ERN1: variants seen among roughly 807,000 people sequenced by gnomAD.
The protein encoded by ERN1 is serine/threonine-protein kinase/endoribonuclease IRE1.
ERN1 carries 39 observed loss-of-function variants against 113.1 expected under a neutral mutation model. The observed-to-expected ratio is 0.34, with a 90% CI of 0.27 to 0.45. The LOEUF is 0.45. Among genes scored for constraint, ERN1 ranks in the 20% least tolerant of loss-of-function variants. ERN1 has a pLI of 1.00. For missense variants in ERN1, 976 were observed against 1,274.8 expected (o/e 0.77, Z 3.57); for synonymous variants, 507 against 515.9 (o/e 0.98, Z 0.23).
At position 64,079,705 on chromosome 17, in the gene ERN1, C is replaced by A. The variant is rs1913708265; in HGVS notation, c.239G>T (p.Gly80Val). The change falls in exon 4 of 22, where the codon GGC (glycine) becomes GTC (valine). Residue 80 changes from glycine to valine, a missense_variant. Gly to Val is a moderately radical substitution (Grantham distance 109). Around this residue, in one of 5 missense-constraint regions of ERN1, gnomAD observed 459 missense variants for 581.2 expected, o/e 0.79. Transcript: ENST00000433197. ...CTTGCTTCCAAGCGTATACAGGCTG[C>A]CATCATTAGGATCTGGGAGAAAGGC... ...EPAFLPDPND[G>V]SLYTLGSKNN... 1 of 1,613,620 alleles carries A rather than the reference C, an allele frequency of 6.2e-7. No homozygotes were observed. The highest frequency in any genetic ancestry group is 1.3e-5 in the African/African-American group (1 of 74,898).
At chr17:64,090,385 C>T (rs1322372917) in intron 2 of ERN1, among the ~76,000 whole-genome samples, 4 of 152,204 alleles carry the variant, frequency 2.6e-5, no homozygotes, top group Non-Finnish European at 5.9e-5. Flanking sequence ...TTTATCTCTA[C>T]TTTGGCAGAA....
At position 64,050,015 on chromosome 17, in the gene ERN1, G is replaced by T. The variant is rs78592636; in HGVS notation, c.2254-813C>A. Among the ~76,000 whole-genome samples, 146 of 152,242 alleles carry T rather than the reference G, an allele frequency of 9.6e-4. 3 individuals carry two copies. In the East Asian group the frequency reaches 0.026, roughly 27 times the overall value. On this transcript the variant is annotated intron_variant, in intron 17 of 21. Transcript: ENST00000433197. ...GAGGAGACACACCTTGAACAACACA[G>T]CACTCTCATTCAGCCTCACAACAAC...
rs201899237 is a variant in ERN1, at chr17:64,054,375, C to G, written c.1828G>C (p.Asp610His). The change falls in exon 15 of 22, where the codon GAC (aspartate) becomes CAC (histidine). Residue 610 changes from aspartate (D) to histidine (H), a missense_variant. By Grantham distance (81) the Asp-to-His change is moderately conservative. Transcript: ENST00000433197. The surrounding 1 kb of genome is among the most constrained non-coding windows in gnomAD (Gnocchi z 4.9). ...TCTCGCAACAGCTGGACCTCACGGT[C>G]TGCGAAGCTAAAACACTCGGGGAGG... ...RILPECFSFADREVQLLRESD... is the reference protein window; with the variant it reads ...RILPECFSFAHREVQLLRESD... 5.0e-6 allele frequency: 8 copies of G among 1,606,992 alleles called. No homozygotes were observed. In the Admixed American group the frequency reaches 8.5e-5, roughly 17 times the overall value.
In ERN1 at chr17:64,053,324, G is replaced by C. The variant is rs747754405; in HGVS notation, c.2001C>G (p.Thr667=). 8 of 1,612,040 alleles carry C rather than the reference G, an allele frequency of 5.0e-6. No individual in the cohort carries two copies. The highest frequency in any genetic ancestry group is 6.8e-6 in the Non-Finnish European group (8 of 1,179,254). The change falls in exon 16 of 22, where the codon ACC becomes ACG. Residue 667 remains threonine (T), a synonymous_variant. Transcript: ENST00000433197. ...DFAHLGLEPI[T]LLQQTTSGLA... is the part of the protein sequence containing the mutation. ...GGCCCGAGGTGGTCTGCTGCAGCAA[G>C]GTGATGGGCTCCAGGCCGAGATGCG...
At chr17:64,104,573 C>A (rs1914472452) in intron 1 of ERN1, among the ~76,000 whole-genome samples, 1 of 152,144 alleles carries the variant, frequency 6.6e-6, no homozygotes, top group East Asian at 1.9e-4. Context: ...AATCCCAGCA[C>A]TTTGGGAGGC....
chr17:64,079,709 C>T lies in ERN1; in HGVS notation c.235G>A (p.Asp79Asn). 6.2e-7 allele frequency: 1 copy of T among 1,613,848 alleles called. No homozygotes were observed. The highest frequency in any genetic ancestry group is 8.5e-7 in the Non-Finnish European group (1 of 1,179,762). The change falls in exon 4 of 22, where the codon GAT becomes AAT. Residue 79 changes from aspartate to asparagine, a missense_variant. Physicochemically the swap from Asp to Asn is conservative, Grantham distance 23. Coordinates refer to ENST00000433197, the MANE Select transcript of ERN1 (RefSeq NM_001433.5). ...CTTCCAAGCGTATACAGGCTGCCAT[C>T]ATTAGGATCTGGGAGAAAGGCAGGC... ...EEPAFLPDPN[D>N]GSLYTLGSKN...
At position 64,065,221 on chromosome 17, in the gene ERN1, C is replaced by A. The variant is rs1417159073; in HGVS notation, c.909G>T (p.Gly303=). The A allele has an allele frequency of 1.9e-6, 3 of 1,607,238 alleles. No individual in the cohort carries two copies. Among genetic ancestry groups the A allele is most frequent in the Non-Finnish European group, 2.5e-6 (3 of 1,176,552 alleles). The change falls in exon 9 of 22, where the codon GGG becomes GGT. Residue 303 remains glycine (G), a synonymous_variant. Coordinates refer to ENST00000433197, the MANE Select transcript of ERN1 (RefSeq NM_001433.5). ...LYASPSMVHE[G]VAVVPRGSTL... ...GTAGTGGACTTACCACGACAGCAACCCCCTCGTGTACCATTGAGGGAGAGG... is the reference window on the plus strand; with the variant it reads ...GTAGTGGACTTACCACGACAGCAACACCCTCGTGTACCATTGAGGGAGAGG...
chr17:64,093,955 C>T (rs1914159069), intron 2 of ERN1, among the ~76,000 whole-genome samples: 1 of 152,218 alleles, frequency 6.6e-6, no homozygotes, highest in South Asian at 2.1e-4. Flanking sequence ...GTCACAGAGA[C>T]TAGCGGACTT....
intron 1 of ERN1, among the ~76,000 whole-genome samples, chr17:64,119,812 G>A (rs1914909806): frequency 1.3e-5 from 2 of 152,084 alleles, no homozygotes; most frequent in African/African-American, 2.4e-5. Context: ...GCTCTGTGAC[G>A]TGACTGGGAA....
chr17:64,043,600 C>G lies in ERN1; in HGVS notation c.*388G>C, dbSNP rs575083227. 31 of 166,900 alleles carry G rather than the reference C, an allele frequency of 1.9e-4. No individual in the cohort carries two copies. Among genetic ancestry groups the G allele is most frequent in the South Asian group, 2.0e-4 (1 of 5,116 alleles). The allele number at this position is 166,900 out of a possible 1,614,324, so 10.3% of individuals were successfully genotyped here. The stretch of plus-strand genomic sequence containing the variant: ...GCATCTCAGCCTAGCTGTCCCAGCA[C>G]GCAAGCAAAATGTACGATTCCCTCC... On this transcript the variant is annotated 3_prime_UTR_variant, in exon 22 of 22. Coordinates refer to ENST00000433197, the MANE Select transcript of ERN1 (RefSeq NM_001433.5).
intron 1 of ERN1, among the ~76,000 whole-genome samples, chr17:64,098,858 C>T (rs1914304235): frequency 6.6e-6 from 1 of 151,946 alleles, no homozygotes; most frequent in Non-Finnish European, 1.5e-5. Context: ...TCTCAACAAA[C>T]TTAAAACAAA....
intron 16 of ERN1, 133 bp downstream of exon 16, chr17:64,053,139 C>T: frequency 1.1e-6 from 1 of 899,424 alleles, no homozygotes; most frequent in Non-Finnish European, 1.7e-6. Flanking sequence ...TCTTACACCA[C>T]TCATCTTTGC....
In ERN1 at chr17:64,063,669, C is replaced by T. The variant is rs548455459; in HGVS notation, c.1087+317G>A. 6.6e-6 allele frequency among the ~76,000 whole-genome samples: 1 copy of T among 152,196 alleles called. No individual in the cohort carries two copies. The highest frequency in any genetic ancestry group is 2.4e-5 in the African/African-American group (1 of 41,436). ...AAAATGGAAATGACAAGGGTACCTA[C>T]CTCACACAGGGTTGCTGTGAGGAGT... On this transcript the variant is annotated intron_variant, in intron 10 of 21. Transcript: ENST00000433197. The surrounding 1 kb of genome is among the most constrained non-coding windows in gnomAD (Gnocchi z 5.1).
In ERN1 at chr17:64,057,310, C is replaced by T. The variant is rs1215640656; in HGVS notation, c.1398+492G>A. ...AACAAAATTGTCCTTTTCTGGGAGG[C>T]TAGTGTCTCTTTAATTATGTTTTTG... On this transcript the variant is annotated intron_variant, in intron 12 of 21. Transcript: ENST00000433197. Among the ~76,000 whole-genome samples, 5 of 152,190 alleles carry T rather than the reference C, an allele frequency of 3.3e-5. No homozygotes were observed. The East Asian group carries it at 7.7e-4, about 23-fold the overall frequency.
At chr17:64,053,661 C>G (rs922151043) in intron 15 of ERN1, among the ~76,000 whole-genome samples, 1 of 152,160 alleles carries the variant, frequency 6.6e-6, no homozygotes, top group African/African-American at 2.4e-5. Flanking sequence ...GCAAAAGGAG[C>G]TTGCTGGATG....
rs188494454 is a variant in ERN1, at chr17:64,085,136, G to A, written c.176-4328C>T. The stretch of plus-strand genomic sequence containing the variant: ...ACCTGACACACAGGTGGTAACCAAC[G>A]TATTTGCTGAATGGAGTAATTAAGT... On this transcript the variant is annotated intron_variant, in intron 2 of 21. Transcript: ENST00000433197. Among the ~76,000 whole-genome samples, 41 of 152,292 alleles carry A rather than the reference G, an allele frequency of 2.7e-4. No individual in the cohort carries two copies. In the South Asian group the frequency reaches 4.1e-3, roughly 15 times the overall value.
chr17:64,090,870 A>G (rs761280464), intron 2 of ERN1, among the ~76,000 whole-genome samples: 14 of 152,220 alleles, frequency 9.2e-5, no homozygotes, highest in Non-Finnish European at 1.5e-4. Context: ...TAATACTTCT[A>G]CATTTGGATA....
chr17:64,122,440 T>A (rs559342615), intron 1 of ERN1, among the ~76,000 whole-genome samples: 4 of 152,190 alleles, frequency 2.6e-5, no homozygotes, highest in Non-Finnish European at 5.9e-5. Context: ...CGAGAGCCCA[T>A]CAAGCAGTCT....
chr17:64,089,652 G>T (rs1035990279), intron 2 of ERN1, among the ~76,000 whole-genome samples: 3 of 152,198 alleles, frequency 2.0e-5, no homozygotes, highest in Non-Finnish European at 2.9e-5. Context: ...AAGGGAAAAA[G>T]GGAGAAGGAA....
Sources: allele counts gnomAD v4.1 joint callset (sites outside exome capture counted in the v4.1 genomes callset), GRCh38; gene constraint gnomAD v4.1.1; regional missense constraint gnomAD v4.1.1; non-coding constraint Gnocchi (gnomAD v3.1); transcripts MANE v1.5; gene names NCBI Gene and HGNC (gene_info 2026-07-23, HGNC 2026-07-21).